The following CDK7 variants were observed in gnomAD, a reference collection of about 807,000 sequenced individuals.
CDK7 encodes cyclin dependent kinase 7, also known as cyclin-dependent kinase 7.
CDK7 carries 25 observed loss-of-function variants against 49.1 expected under a neutral mutation model. The ratio of observed to expected loss-of-function variants is 0.51; its 90% CI spans 0.37 to 0.71. CDK7 has a LOEUF of 0.71. Among genes scored for constraint, CDK7 ranks in the 30% least tolerant of loss-of-function variants. The pLI is 0.00. For synonymous variants in CDK7, 107 were observed against 140.0 expected, an observed-to-expected ratio of 0.76 and a Z score of 1.67; for missense variants, 316 against 411.7, an observed-to-expected ratio of 0.77 and a Z score of 2.01.
chr5:69,244,127 C>T (rs540656204), intron 2 of CDK7, among the ~76,000 whole-genome samples: 5 of 152,172 alleles, frequency 3.3e-5, no homozygotes, highest in East Asian at 1.9e-4. Flanking sequence ...CCACCATACC[C>T]GTTCAGTAGT....
At chr5:69,255,009 G>T (rs1580303218) in intron 4 of CDK7, among the ~76,000 whole-genome samples, 1 of 152,208 alleles carries the variant, frequency 6.6e-6, no homozygotes, top group East Asian at 1.9e-4. Context: ...ACTCCCCAGA[G>T]TCCCTGCCTC....
chr5:69,273,311 G>C (rs1205703639), intron 10 of CDK7, among the ~76,000 whole-genome samples: 1 of 144,406 alleles, frequency 6.9e-6, no homozygotes, highest in Non-Finnish European at 1.5e-5. Flanking sequence ...CACATAATTG[G>C]CTTGTAAATA....
chr5:69,261,593 C>T (rs1233691717), intron 7 of CDK7, among the ~76,000 whole-genome samples: 5 of 151,730 alleles, frequency 3.3e-5, no homozygotes, highest in South Asian at 2.1e-4. Flanking sequence ...TGCAATGGCG[C>T]GATCTCTGCT....
intron 10 of CDK7, 131 bp downstream of exon 10, chr5:69,273,172 A>G (rs369381364): frequency 1.6e-6 from 1 of 644,960 alleles, no homozygotes; most frequent in Non-Finnish European, 2.5e-6. Flanking sequence ...TTAAGAAATA[A>G]CAAACTTTGT....
chr5:69,258,962 G>A (rs1351831286), intron 6 of CDK7, among the ~76,000 whole-genome samples: 1 of 151,984 alleles, frequency 6.6e-6, no homozygotes, highest in Non-Finnish European at 1.5e-5. Flanking sequence ...TGTAGTCCCA[G>A]CTGCTCAGGA....
chr5:69,269,500 C>T (rs1281706772), intron 9 of CDK7, among the ~76,000 whole-genome samples: 1 of 152,022 alleles, frequency 6.6e-6, no homozygotes, highest in Non-Finnish European at 1.5e-5. Flanking sequence ...AGTCCTTTCC[C>T]CCCACCCCAG....
At chr5:69,262,099 G>C (rs1750863151) in intron 7 of CDK7, 106 bp from the exon 8 acceptor site, 2 of 1,359,470 alleles carry the variant, frequency 1.5e-6, no homozygotes, top group Non-Finnish European at 2.1e-6. Flanking sequence ...TTAAAGTAAG[G>C]GATTGCCTTT....
chr5:69,257,550 A>G (rs749236096), intron 5 of CDK7, among the ~76,000 whole-genome samples: 2 of 152,196 alleles, frequency 1.3e-5, no homozygotes, highest in Non-Finnish European at 2.9e-5. Flanking sequence ...CTGAGGAACG[A>G]AAGTGCTTTC....
chr5:69,268,759 AG>A (rs1171527096), intron 8 of CDK7, among the ~76,000 whole-genome samples: 1 of 150,256 alleles, frequency 6.7e-6, no homozygotes, highest in Non-Finnish European at 1.5e-5. Flanking sequence ...AGGCTGAGGC[AG>A]GAGAATGACC....
In CDK7 at chr5:69,259,860, C is replaced by G. The variant is rs747644561; in HGVS notation, c.451C>G (p.Leu151Val). 6.2e-7 allele frequency: 1 copy of G among 1,614,080 alleles called. No individual in the cohort carries two copies. Among genetic ancestry groups the G allele is most frequent in the South Asian group, 1.1e-5 (1 of 91,076 alleles). Residue 151 changes from leucine (L) to valine (V), a missense_variant, in exon 7 of 12, where the codon CTA becomes GTA. By Grantham distance (32) the Leu-to-Val change is conservative. Coordinates refer to ENST00000256443, the MANE Select transcript of CDK7 (RefSeq NM_001799.4). Reference protein sequence around the residue: ...NNLLLDENGVLKLADFGLAKS... With the variant: ...NNLLLDENGVVKLADFGLAKS... The stretch of plus-strand genomic sequence containing the variant: ...CTTGTTGCTAGATGAAAATGGAGTT[C>G]TAAAACTGGCAGATTTTGGCCTGGC...
chr5:69,269,057 C>T (rs1367814096), intron 8 of CDK7, 150 bp from the exon 9 acceptor site: 18 of 560,144 alleles, frequency 3.2e-5, no homozygotes, highest in South Asian at 7.3e-5. Flanking sequence ...GCAGAAGAAT[C>T]GCTTGAAGTG....
intron 8 of CDK7, 73 bp from the exon 9 acceptor site, chr5:69,269,134 G>C (rs1751357173): frequency 6.5e-6 from 6 of 918,474 alleles, no homozygotes; most frequent in East Asian, 5.0e-5. Flanking sequence ...GCGAGACTCT[G>C]TCTCTCTAAA....
At chr5:69,264,762 G>T (rs1403365278) in intron 8 of CDK7, among the ~76,000 whole-genome samples, 1 of 150,858 alleles carries the variant, frequency 6.6e-6, no homozygotes, top group Non-Finnish European at 1.5e-5. Flanking sequence ...CCCAAGGTTG[G>T]GAGTTTGAGA....
At chr5:69,255,010 T>TC (rs1178391032) in intron 4 of CDK7, among the ~76,000 whole-genome samples, 3 of 152,120 alleles carry the variant, frequency 2.0e-5, no homozygotes, top group African/African-American at 7.2e-5. Context: ...CTCCCCAGAG[T>TC]CCCTGCCTCA....
At chr5:69,261,413 T>G (rs1388284464) in intron 7 of CDK7, among the ~76,000 whole-genome samples, 1 of 151,968 alleles carries the variant, frequency 6.6e-6, no homozygotes, top group African/African-American at 2.4e-5. Flanking sequence ...GATTTAGCAG[T>G]GTGGACATGA....
At chr5:69,259,114 T>C (rs191146127) in intron 6 of CDK7, among the ~76,000 whole-genome samples, 229 of 152,032 alleles carry the variant, frequency 1.5e-3, no homozygotes, top group African/African-American at 5.2e-3. Context: ...TGGCTTTAAG[T>C]TCAGTATTCT....
intron 10 of CDK7, among the ~76,000 whole-genome samples, chr5:69,275,702 G>A (rs771984009): frequency 2.4e-4 from 37 of 152,102 alleles, no homozygotes; most frequent in Non-Finnish European, 4.3e-4. Context: ...AGCCAGGCGC[G>A]GTGGCTCACG....
At chr5:69,251,143 G>T (rs890549822) in intron 2 of CDK7, among the ~76,000 whole-genome samples, 1 of 149,320 alleles carries the variant, frequency 6.7e-6, no homozygotes, top group Non-Finnish European at 1.5e-5. Context: ...TGTCACCCAG[G>T]CTGGAGTGCA....
At chr5:69,260,373 A>G (rs1479264593) in intron 7 of CDK7, among the ~76,000 whole-genome samples, 1 of 152,072 alleles carries the variant, frequency 6.6e-6, no homozygotes, top group African/African-American at 2.4e-5. Flanking sequence ...AAACAAACAA[A>G]AAAAAAACCT....
Sources: gnomAD v4.1 joint callset for allele counts (sites outside exome capture counted in the v4.1 genomes callset) on GRCh38, gnomAD v4.1.1 for gene constraint, MANE v1.5 for transcripts, NCBI Gene and HGNC (gene_info 2026-07-23, HGNC 2026-07-21) for gene names.